Variants in CD247 observed in about 807,000 individuals in gnomAD.
CD247 encodes CD247 molecule, also known as T-cell surface glycoprotein CD3 zeta chain.
A neutral mutation model predicts 30.0 loss-of-function variants in CD247; 13 were observed. That is an observed-to-expected ratio of 0.43 (90% CI 0.28 to 0.69). The LOEUF (loss-of-function observed/expected upper bound fraction) is 0.69, where lower values mean the gene tolerates loss of function less well. Ranked by LOEUF, CD247 falls within the 30% of genes least tolerant of loss-of-function variation. CD247 has a pLI of 0.16. For synonymous variants in CD247, 72 were observed against 80.0 expected, an observed-to-expected ratio of 0.90 and a Z score of 0.53; for missense variants, 193 against 212.6, an observed-to-expected ratio of 0.91 and a Z score of 0.57.
At chr1:167,492,797 C>T (rs1218614141) in intron 1 of CD247, among the ~76,000 whole-genome samples, 1 of 151,874 alleles carries the variant, frequency 6.6e-6, no homozygotes, top group Non-Finnish European at 1.5e-5. Context: ...TGTTCAGGGG[C>T]CCCCCCAGAA....
chr1:167,482,245 T>C (rs2102065206), intron 1 of CD247, among the ~76,000 whole-genome samples: 1 of 152,282 alleles, frequency 6.6e-6, no homozygotes, highest in South Asian at 2.1e-4. Flanking sequence ...CAAGCTGGCA[T>C]CTCCTTTCTC....
chr1:167,460,560 A>G (rs559658135), intron 1 of CD247, among the ~76,000 whole-genome samples: 9 of 152,184 alleles, frequency 5.9e-5, no homozygotes, highest in Non-Finnish European at 1.2e-4. Flanking sequence ...ATGCCCCACT[A>G]CTAACTACTC....
chr1:167,479,815 A>G (rs1163274488), intron 1 of CD247, among the ~76,000 whole-genome samples: 2 of 152,186 alleles, frequency 1.3e-5, no homozygotes, highest in South Asian at 2.1e-4. Context: ...AGGTTGCTCC[A>G]GGGGCACTGG....
At chr1:167,489,502 G>T (rs1654351887) in intron 1 of CD247, among the ~76,000 whole-genome samples, 1 of 152,156 alleles carries the variant, frequency 6.6e-6, no homozygotes, top group South Asian at 2.1e-4. Flanking sequence ...TGGGAAGTTT[G>T]ACCCTATTCA....
chr1:167,434,585 G>A (rs976333755), intron 5 of CD247: 3 of 362,222 alleles, frequency 8.3e-6, no homozygotes, highest in African/African-American at 6.4e-5. Flanking sequence ...CACCCAGGAG[G>A]GTGAGGTTGA....
At chr1:167,480,056 A>C (rs531976336) in intron 1 of CD247, among the ~76,000 whole-genome samples, 1 of 152,174 alleles carries the variant, frequency 6.6e-6, no homozygotes. Flanking sequence ...GCCACTGCAT[A>C]TGGTCTGATG....
intron 1 of CD247, among the ~76,000 whole-genome samples, chr1:167,515,068 G>A (rs1655543384): frequency 6.6e-6 from 1 of 152,292 alleles, no homozygotes; most frequent in East Asian, 1.9e-4. Context: ...TGATCTCTAG[G>A]CTAGTAAGCC....
intron 1 of CD247, among the ~76,000 whole-genome samples, chr1:167,514,571 A>G (rs148332468): frequency 6.6e-6 from 1 of 152,064 alleles, no homozygotes; most frequent in African/African-American, 2.4e-5. Context: ...GACTAAAGCG[A>G]TCATTTTGTT....
chr1:167,469,736 G>A (rs1257297565), intron 1 of CD247, among the ~76,000 whole-genome samples: 2 of 151,984 alleles, frequency 1.3e-5, no homozygotes, highest in Admixed American at 6.5e-5. Context: ...TCATTACAGA[G>A]CTGTTTGAAA....
intron 1 of CD247, among the ~76,000 whole-genome samples, chr1:167,509,799 G>C (rs1655310647): frequency 6.6e-6 from 1 of 152,196 alleles, no homozygotes; most frequent in Non-Finnish European, 1.5e-5. Flanking sequence ...TTAGAATTAA[G>C]GGGTGAACAG....
chr1:167,489,900 A>G (rs1654370399), intron 1 of CD247, among the ~76,000 whole-genome samples: 1 of 152,136 alleles, frequency 6.6e-6, no homozygotes, highest in Non-Finnish European at 1.5e-5. Flanking sequence ...AATACCACCC[A>G]GTTCGGCCTC....
chr1:167,500,764 A>C (rs1430216423), intron 1 of CD247, among the ~76,000 whole-genome samples: 2 of 152,206 alleles, frequency 1.3e-5, no homozygotes, highest in Non-Finnish European at 2.9e-5. Flanking sequence ...GCTCAATCAC[A>C]TTTGGTTTTC....
intron 1 of CD247, among the ~76,000 whole-genome samples, chr1:167,495,904 G>A (rs569003376): frequency 4.4e-4 from 67 of 152,264 alleles, no homozygotes; most frequent in African/African-American, 1.5e-3. Context: ...CCACCAGCCT[G>A]ACACTTCCTA....
intron 1 of CD247, among the ~76,000 whole-genome samples, chr1:167,468,501 G>A (rs1372409562): frequency 6.6e-6 from 1 of 152,146 alleles, no homozygotes; most frequent in Non-Finnish European, 1.5e-5. Context: ...ACCTCTTCCA[G>A]ACACAGAGAG....
rs115916536 is a variant in CD247, at chr1:167,508,454, T to G, written c.58+9954A>C. Among the ~76,000 whole-genome samples the G allele has an allele frequency of 6.2e-3, 948 of 152,344 alleles. 7 individuals carry two copies. The highest frequency in any genetic ancestry group is 0.022 in the African/African-American group (904 of 41,582). ...GATACAATTATTTGACTTTCTGAGC[T>G]GTTCTTTTGAAGCCTCTATGTTTAA... On this transcript the variant is annotated intron_variant, in intron 1 of 7. Coordinates refer to ENST00000362089, the MANE Select transcript of CD247 (RefSeq NM_198053.3).
intron 1 of CD247, among the ~76,000 whole-genome samples, chr1:167,475,369 C>T (rs1285474638): frequency 6.6e-6 from 1 of 151,988 alleles, no homozygotes; most frequent in Admixed American, 6.6e-5. Flanking sequence ...GTCATTTTAT[C>T]TATAAATAAT....
At chr1:167,483,035 T>C (rs1273510425) in intron 1 of CD247, among the ~76,000 whole-genome samples, 2 of 151,160 alleles carry the variant, frequency 1.3e-5, no homozygotes, top group Non-Finnish European at 2.9e-5. Flanking sequence ...TGAGACTGAG[T>C]TTCGCTGTTG....
intron 1 of CD247, among the ~76,000 whole-genome samples, chr1:167,517,242 C>T (rs899379751): frequency 6.6e-6 from 1 of 152,226 alleles, no homozygotes; most frequent in Non-Finnish European, 1.5e-5. Flanking sequence ...GAGGCGCTGG[C>T]CCGGGCTGTG....
intron 2 of CD247, 169 bp downstream of exon 2, chr1:167,440,495 C>T: frequency 1.5e-6 from 1 of 666,124 alleles, no homozygotes; most frequent in Non-Finnish European, 2.7e-6. Flanking sequence ...GACACTGCCA[C>T]CTCCTCCTCA....
Sources: allele counts gnomAD v4.1 joint callset (sites outside exome capture counted in the v4.1 genomes callset), GRCh38; gene constraint gnomAD v4.1.1; transcripts MANE v1.5; gene names NCBI Gene and HGNC (gene_info 2026-07-23, HGNC 2026-07-21).